Variants in LBHD1 observed in about 807,000 individuals in gnomAD.
LBHD1 encodes LBH domain containing 1.
Under a neutral mutation model 31.1 loss-of-function variants are expected in LBHD1, and 28 were observed. The ratio of observed to expected loss-of-function variants is 0.90; its 90% CI spans 0.67 to 1.24. The LOEUF is 1.24. LBHD1 is among the 50% of genes most tolerant of loss of function. LBHD1 has a pLI of 0.00. For missense variants in LBHD1, 350 were observed against 323.0 expected, an observed-to-expected ratio of 1.08 and a Z score of -0.64; for synonymous variants, 105 against 116.5, an observed-to-expected ratio of 0.90 and a Z score of 0.63.
At chr11:62,670,189 C>G in intron 1 of LBHD1, 148 bp from the exon 2 acceptor site, 1 of 790,610 alleles carries the variant, frequency 1.3e-6, no homozygotes, top group South Asian at 1.9e-5. Flanking sequence ...GGAAAATGCC[C>G]AAGAGGTGAG....
chr11:62,664,930 C>T lies in LBHD1; in HGVS notation c.582G>A (p.Ser194=), dbSNP rs767806600. ...EAVQTPAGVE[S]GAASEAPGGR... ...CACCCGGTGCCTCAGACGCCGCTCC[C>T]GATTCAACACCCGCCGGCGTTTGAA... The change falls in exon 5 of 7, where the codon TCG becomes TCA. Residue 194 remains serine, a synonymous_variant. Coordinates refer to ENST00000354588, the MANE Select transcript of LBHD1 (RefSeq NM_024099.5). 6.2e-7 allele frequency: 1 copy of T among 1,607,360 alleles called. No homozygotes were observed. Among genetic ancestry groups the T allele is most frequent in the East Asian group, 2.2e-5 (1 of 44,606 alleles).
chr11:62,671,479 C>A, intron 1 of LBHD1, 85 bp downstream of exon 1: 1 of 1,353,482 alleles, frequency 7.4e-7, no homozygotes, highest in Middle Eastern at 1.9e-4. Flanking sequence ...CCTAGCAATC[C>A]CACCCCGGAA....
intron 3 of LBHD1, among the ~76,000 whole-genome samples, chr11:62,669,065 C>G (rs569993298): frequency 8.3e-4 from 126 of 151,306 alleles, no homozygotes; most frequent in African/African-American, 3.0e-3. Flanking sequence ...GGACTACAGG[C>G]GCCCGCCACC....
At chr11:62,666,302 C>G (rs1565127134) in intron 4 of LBHD1, 1 of 1,310,372 alleles carries the variant, frequency 7.6e-7, no homozygotes, top group East Asian at 2.3e-5. Context: ...AGAGTGAGAC[C>G]CTGTCTCAAA....
intron 4 of LBHD1, chr11:62,665,787 TG>T: frequency 6.4e-7 from 1 of 1,550,660 alleles, no homozygotes; most frequent in Non-Finnish European, 8.7e-7. Flanking sequence ...ACGCGGAATT[TG>T]CAGATCTTCC....
chr11:62,664,796 GAGGA>G (rs767218279), intron 5 of LBHD1, 49 bp downstream of exon 5: 109 of 1,547,308 alleles, frequency 7.0e-5, no homozygotes, highest in Middle Eastern at 2.2e-4. Flanking sequence ...GCTCTGCAGG[GAGGA>G]AGGAAGACTC....
At chr11:62,667,283 AAATG>A (rs1944846322) in intron 4 of LBHD1, 5 of 638,272 alleles carry the variant, frequency 7.8e-6, no homozygotes, top group Middle Eastern at 4.1e-4. Context: ...ATTTAGCACA[AAATG>A]AATGCTGAAA....
At position 62,671,925 on chromosome 11, in the gene LBHD1, T is replaced by C. The variant is rs1944953185; in HGVS notation, c.-372A>G. ...CGGGTGGAGAGCCCCGGACTGGAGC[T>C]CCTGCGAACTCCCCTTCCTGCCCTC... On this transcript the variant is annotated 5_prime_UTR_variant, in exon 1 of 7. Transcript: ENST00000354588. 1.9e-6 allele frequency: 3 copies of C among 1,612,954 alleles called. No homozygotes were observed. Among genetic ancestry groups the C allele is most frequent in the Non-Finnish European group, 2.5e-6 (3 of 1,179,228 alleles).
chr11:62,669,598 C>T (rs746317892), intron 3 of LBHD1, 43 bp downstream of exon 3: 1 of 1,583,390 alleles, frequency 6.3e-7, no homozygotes, highest in African/African-American at 1.3e-5. Flanking sequence ...CTGCCCAGAA[C>T]ATTCAGCTCA....
Position 62,671,832 on chromosome 11 carries a change from C to T in LBHD1, c.-279G>A, listed in dbSNP as rs544265254. 5.1e-5 allele frequency: 83 copies of T among 1,614,136 alleles called. No homozygotes were observed. In the East Asian group the frequency reaches 1.7e-3, roughly 33 times the overall value. On this transcript the variant is annotated 5_prime_UTR_variant, in exon 1 of 7. Coordinates refer to ENST00000354588, the MANE Select transcript of LBHD1 (RefSeq NM_024099.5). ...GCTACGCGCTCCTCGTTATCGTGAC[C>T]CCGGGAGAGCGGCGGAAGCAGGAAA...
chr11:62,671,599 T>G lies in LBHD1; in HGVS notation c.-46A>C, dbSNP rs1003908696. 2.0e-6 allele frequency: 3 copies of G among 1,483,344 alleles called. No individual in the cohort carries two copies. The highest frequency in any genetic ancestry group is 2.7e-6 in the Non-Finnish European group (3 of 1,124,990). 91.9% of individuals were successfully genotyped at this position (1,483,344 alleles called of 1,614,324 possible). On this transcript the variant is annotated 5_prime_UTR_variant, in exon 1 of 7. Coordinates refer to ENST00000354588, the MANE Select transcript of LBHD1 (RefSeq NM_024099.5). ...AGCGCTCCGGATTCCAAACGTTTCCTCGAGCAGGTCCTCTCTAGCCGGCCG... is the reference window on the plus strand; with the variant it reads ...AGCGCTCCGGATTCCAAACGTTTCCGCGAGCAGGTCCTCTCTAGCCGGCCG...
In LBHD1 at chr11:62,671,806, G is replaced by A; in HGVS notation, c.-253C>T. ...AATGCTGGGCGCAGGGGCTGGCGTGGGCTACGCGCTCCTCGTTATCGTGAC... is the reference window on the plus strand; with the variant it reads ...AATGCTGGGCGCAGGGGCTGGCGTGAGCTACGCGCTCCTCGTTATCGTGAC... On this transcript the variant is annotated 5_prime_UTR_variant, in exon 1 of 7. Transcript: ENST00000354588. 1 of 1,614,080 alleles carries A rather than the reference G, an allele frequency of 6.2e-7. No individual in the cohort carries two copies.
intron 5 of LBHD1, among the ~76,000 whole-genome samples, chr11:62,664,624 C>T (rs1944743917): frequency 6.6e-6 from 1 of 152,160 alleles, no homozygotes; most frequent in Admixed American, 6.6e-5. Flanking sequence ...AGCCACCATC[C>T]CCGGCTTTCC....
At chr11:62,671,098 T>C (rs1944931199) in intron 1 of LBHD1, 2 of 344,706 alleles carry the variant, frequency 5.8e-6, no homozygotes, top group Non-Finnish European at 1.1e-5. Context: ...AGACCTTGTC[T>C]CCAAAAACAA....
chr11:62,664,806 G>C (rs1944749378), intron 5 of LBHD1, 43 bp downstream of exon 5: 2 of 1,550,140 alleles, frequency 1.3e-6, no homozygotes, highest in Non-Finnish European at 8.7e-7. Context: ...GAGGAAGGAA[G>C]ACTCGGTGGG....
chr11:62,666,495 G>T, intron 4 of LBHD1: 1 of 1,614,102 alleles, frequency 6.2e-7, no homozygotes, highest in Non-Finnish European at 8.5e-7. Flanking sequence ...TGGTTCTTTG[G>T]ATACGACGAA....
chr11:62,671,026 G>A (rs11231182), intron 1 of LBHD1: 2 of 259,152 alleles, frequency 7.7e-6, no homozygotes, highest in Non-Finnish European at 1.6e-5. Context: ...TTGGGCCCTG[G>A]AAGTCGAGGC....
intron 4 of LBHD1, chr11:62,665,551 C>T (rs1357510809): frequency 1.3e-6 from 2 of 1,569,796 alleles, no homozygotes; most frequent in Non-Finnish European, 1.7e-6. Context: ...CTGGTTCTAT[C>T]CTCAAACGCC....
At chr11:62,664,394 G>A (rs1944737302) in intron 5 of LBHD1, among the ~76,000 whole-genome samples, 1 of 140,078 alleles carries the variant, frequency 7.1e-6, no homozygotes, top group Admixed American at 7.7e-5. Flanking sequence ...GCAGTGGCGT[G>A]ATCTCGGCTC....
Sources: allele counts gnomAD v4.1 joint callset (sites outside exome capture counted in the v4.1 genomes callset), GRCh38; gene constraint gnomAD v4.1.1; transcripts MANE v1.5; gene names NCBI Gene and HGNC (gene_info 2026-07-23, HGNC 2026-07-21).